The following FARS2 variants were observed in gnomAD, a reference collection of about 807,000 sequenced individuals.
The protein encoded by FARS2 is phenylalanyl-tRNA synthetase 2, mitochondrial.
Under a neutral mutation model 46.4 loss-of-function variants are expected in FARS2, and 40 were observed. The ratio of observed to expected loss-of-function variants is 0.86; its 90% CI spans 0.67 to 1.12. The LOEUF (loss-of-function observed/expected upper bound fraction) is 1.12. FARS2 is among the 50% of genes most tolerant of loss of function. The probability of loss-of-function intolerance (pLI) is 0.00; values close to 1 mark genes in which losing one functional copy is unlikely to be tolerated. For missense variants in FARS2, 513 were observed against 567.9 expected, an observed-to-expected ratio of 0.90 and a Z score of 0.98; for synonymous variants, 234 against 214.9, an observed-to-expected ratio of 1.09 and a Z score of -0.78.
intron 4 of FARS2, among the ~76,000 whole-genome samples, chr6:5,532,002 C>T (rs9504427): frequency 0.017 from 2,628 of 152,268 alleles, 78 homozygotes; most frequent in African/African-American, 0.059. Flanking sequence ...TCAGTTCACT[C>T]AGTAGGTTTG....
chr6:5,558,692 A>C (rs1771812792), intron 5 of FARS2, among the ~76,000 whole-genome samples: 1 of 151,764 alleles, frequency 6.6e-6, no homozygotes, highest in African/African-American at 2.4e-5. Context: ...ACCCGCCACC[A>C]CACCCAGCTT....
intron 1 of FARS2, among the ~76,000 whole-genome samples, chr6:5,335,663 G>A (rs930863875): frequency 2.6e-5 from 4 of 152,132 alleles, no homozygotes; most frequent in African/African-American, 9.7e-5. Context: ...GTGAAATCAA[G>A]TTTTATTGGA....
chr6:5,495,767 C>G (rs1767425782), intron 4 of FARS2, among the ~76,000 whole-genome samples: 1 of 152,198 alleles, frequency 6.6e-6, no homozygotes, highest in Admixed American at 6.5e-5. Context: ...TTGAAGTAAT[C>G]AAAGGCAGAG....
At chr6:5,408,096 G>A (rs1761719009) in intron 3 of FARS2, among the ~76,000 whole-genome samples, 1 of 152,148 alleles carries the variant, frequency 6.6e-6, no homozygotes, top group Admixed American at 6.5e-5. Flanking sequence ...TTTAGAAGCT[G>A]GATTTGCACC....
chr6:5,305,273 A>G (rs1768616675), intron 1 of FARS2, among the ~76,000 whole-genome samples: 1 of 152,168 alleles, frequency 6.6e-6, no homozygotes, highest in Non-Finnish European at 1.5e-5. Context: ...TAAAATTACA[A>G]TTTTCTACCC....
chr6:5,610,382 T>G (rs540939751), intron 5 of FARS2, among the ~76,000 whole-genome samples: 1 of 150,842 alleles, frequency 6.6e-6, no homozygotes, highest in Non-Finnish European at 1.5e-5. Context: ...TCTCTGTATA[T>G]AGGGGTTTCA....
intron 1 of FARS2, among the ~76,000 whole-genome samples, chr6:5,360,040 A>C (rs1482705440): frequency 6.6e-6 from 1 of 152,252 alleles, no homozygotes; most frequent in Non-Finnish European, 1.5e-5. Context: ...GAAATTAGGT[A>C]CACCAAATTC....
At chr6:5,447,143 G>A (rs1050772521) in intron 4 of FARS2, among the ~76,000 whole-genome samples, 11 of 152,188 alleles carry the variant, frequency 7.2e-5, no homozygotes, top group African/African-American at 2.7e-4. Context: ...ACTGTGGAGT[G>A]TGAGTGGAAG....
At chr6:5,521,605 C>T (rs1769141508) in intron 4 of FARS2, among the ~76,000 whole-genome samples, 1 of 152,168 alleles carries the variant, frequency 6.6e-6, no homozygotes. Flanking sequence ...GCCGGGAAAG[C>T]TCTTCTGGCC....
chr6:5,741,822 T>C (rs1159364434), intron 6 of FARS2, among the ~76,000 whole-genome samples: 1 of 152,184 alleles, frequency 6.6e-6, no homozygotes, highest in Non-Finnish European at 1.5e-5. Flanking sequence ...AGTTAATTTT[T>C]GTATTTTTTA....
At chr6:5,446,777 T>C (rs1764210105) in intron 4 of FARS2, among the ~76,000 whole-genome samples, 1 of 152,148 alleles carries the variant, frequency 6.6e-6, no homozygotes, top group African/African-American at 2.4e-5. Flanking sequence ...GATATATATA[T>C]ATAGTAATAT....
At chr6:5,328,851 TTAA>T (rs1186957820) in intron 1 of FARS2, among the ~76,000 whole-genome samples, 2 of 152,308 alleles carry the variant, frequency 1.3e-5, no homozygotes, top group South Asian at 2.1e-4. Flanking sequence ...TTTTAACCTG[TTAA>T]TAATGGAGTT....
intron 6 of FARS2, among the ~76,000 whole-genome samples, chr6:5,666,908 G>A (rs1315028562): frequency 6.6e-6 from 1 of 152,238 alleles, no homozygotes; most frequent in East Asian, 1.9e-4. Context: ...ATGCGATCAT[G>A]TCCTTTGCAG....
At position 5,624,463 on chromosome 6, in the gene FARS2, G is replaced by A. The variant is rs193282065; in HGVS notation, c.1217+11143G>A. 2.6e-5 allele frequency among the ~76,000 whole-genome samples: 4 copies of A among 152,352 alleles called. No individual in the cohort carries two copies. In the East Asian group the frequency reaches 7.7e-4, roughly 29 times the overall value. On this transcript the variant is annotated intron_variant, in intron 6 of 6. Transcript: ENST00000274680. ...CTCTGCAGAGAGAAGGGCAGAGGCA[G>A]AGAGACTGCTTGCTCAACAGCAGCT...
chr6:5,601,259 C>T (rs1774493113), intron 5 of FARS2, among the ~76,000 whole-genome samples: 1 of 152,118 alleles, frequency 6.6e-6, no homozygotes, highest in African/African-American at 2.4e-5. Context: ...CGGTGGTTCA[C>T]GCCTGTAATC....
At chr6:5,614,490 A>G (rs1775362474) in intron 6 of FARS2, among the ~76,000 whole-genome samples, 1 of 151,286 alleles carries the variant, frequency 6.6e-6, no homozygotes, top group Non-Finnish European at 1.5e-5. Flanking sequence ...GCTCACTGCA[A>G]GCTCCGCCTC....
At chr6:5,337,207 G>A (rs1197160804) in intron 1 of FARS2, among the ~76,000 whole-genome samples, 2 of 146,558 alleles carry the variant, frequency 1.4e-5, no homozygotes, top group East Asian at 4.2e-4. Flanking sequence ...TATATATGGA[G>A]AGTGAGAAAG....
chr6:5,511,526 C>A lies in FARS2; in HGVS notation c.905-33654C>A, dbSNP rs186966441. Among the ~76,000 whole-genome samples the A allele has an allele frequency of 3.5e-4, 54 of 152,164 alleles. No individual in the cohort carries two copies. In the East Asian group the frequency reaches 5.8e-3, roughly 16 times the overall value. On this transcript the variant is annotated intron_variant, in intron 4 of 6. Transcript: ENST00000274680. ...GGTACAATTAAGAAATAATACCCTGCGCACAAAGTAGAATAAAAACACACA... is the reference window on the plus strand; with the variant it reads ...GGTACAATTAAGAAATAATACCCTGAGCACAAAGTAGAATAAAAACACACA...
intron 5 of FARS2, among the ~76,000 whole-genome samples, chr6:5,592,221 C>CA (rs1252059781): frequency 1.3e-5 from 2 of 151,842 alleles, no homozygotes; most frequent in Admixed American, 6.6e-5. Flanking sequence ...TCCATCTCTA[C>CA]AAAAAAATAC....
Sources: gnomAD v4.1 joint callset for allele counts (sites outside exome capture counted in the v4.1 genomes callset) on GRCh38, gnomAD v4.1.1 for gene constraint, MANE v1.5 for transcripts, NCBI Gene and HGNC (gene_info 2026-07-23, HGNC 2026-07-21) for gene names.